The following ATP8A2 variants were observed in gnomAD, a reference collection of about 807,000 sequenced individuals.
The protein encoded by ATP8A2 is phospholipid-transporting ATPase IB.
Under a neutral mutation model 165.6 loss-of-function variants are expected in ATP8A2, and 100 were observed. The observed-to-expected ratio is 0.60, with a 90% CI of 0.51 to 0.71. The LOEUF (loss-of-function observed/expected upper bound fraction) is 0.71, where lower values mean the gene tolerates loss of function less well. Among genes scored for constraint, ATP8A2 ranks in the 30% least tolerant of loss-of-function variants. The probability of loss-of-function intolerance (pLI) is 0.00; values close to 1 mark genes in which losing one functional copy is unlikely to be tolerated. For missense variants in ATP8A2, 1,227 were observed against 1,479.5 expected (o/e 0.83, Z 2.80); for synonymous variants, 543 against 548.8 (o/e 0.99, Z 0.15).
intron 25 of ATP8A2, among the ~76,000 whole-genome samples, chr13:25,754,460 C>T (rs1429814206): frequency 1.3e-5 from 2 of 151,788 alleles, no homozygotes; most frequent in African/African-American, 4.8e-5. Flanking sequence ...CTACAAATAG[C>T]TTCTTGGAAG....
intron 33 of ATP8A2, among the ~76,000 whole-genome samples, chr13:25,910,426 T>C (rs1193497771): frequency 1.3e-5 from 2 of 152,198 alleles, no homozygotes; most frequent in Non-Finnish European, 2.9e-5. Context: ...TATCCCTCTT[T>C]AGATAAGGCC....
At chr13:25,597,199 T>C (rs76377183) in intron 24 of ATP8A2, among the ~76,000 whole-genome samples, 1 of 152,324 alleles carries the variant, frequency 6.6e-6, no homozygotes, top group Admixed American at 6.5e-5. Flanking sequence ...ATTTTTTTTT[T>C]ACCAATCTTT....
chr13:25,525,194 T>C (rs562224432), intron 2 of ATP8A2, among the ~76,000 whole-genome samples: 2 of 152,234 alleles, frequency 1.3e-5, no homozygotes, highest in East Asian at 3.9e-4. Context: ...GTGTTTTAAC[T>C]CTATCTCCCC....
intron 33 of ATP8A2, among the ~76,000 whole-genome samples, chr13:25,866,846 A>G (rs150726403): frequency 1.6e-3 from 239 of 152,346 alleles, no homozygotes; most frequent in African/African-American, 5.6e-3. Flanking sequence ...AAGATGGTAC[A>G]CTGAAGATAC....
chr13:26,003,790 G>C (rs1289074406), intron 35 of ATP8A2, among the ~76,000 whole-genome samples: 3 of 152,050 alleles, frequency 2.0e-5, no homozygotes, highest in African/African-American at 7.2e-5. Flanking sequence ...TTTCTTCATT[G>C]TGTGTTATTA....
At chr13:25,884,825 C>T (rs920487009) in intron 33 of ATP8A2, among the ~76,000 whole-genome samples, 1 of 152,188 alleles carries the variant, frequency 6.6e-6, no homozygotes, top group Non-Finnish European at 1.5e-5. Flanking sequence ...AGGCACTTGC[C>T]CTCCTCCCAC....
intron 23 of ATP8A2, among the ~76,000 whole-genome samples, chr13:25,582,849 C>A (rs1305896598): frequency 2.0e-5 from 3 of 152,126 alleles, no homozygotes; most frequent in Non-Finnish European, 1.5e-5. Context: ...GTAAATAATA[C>A]CTGCCTTCTT....
At chr13:25,937,344 T>C (rs306405) in intron 33 of ATP8A2, among the ~76,000 whole-genome samples, 4 of 137,976 alleles carry the variant, frequency 2.9e-5, no homozygotes, top group Admixed American at 2.2e-4. Flanking sequence ...TTTTGCTTTG[T>C]CTTTCTATTC....
intron 30 of ATP8A2, among the ~76,000 whole-genome samples, chr13:25,859,498 A>T (rs1952278592): frequency 6.6e-6 from 1 of 152,126 alleles, no homozygotes; most frequent in Non-Finnish European, 1.5e-5. Flanking sequence ...TGTAGCGGAG[A>T]TGATGAAACA....
In ATP8A2 at chr13:25,578,850, A is replaced by C; in HGVS notation, c.1818A>C (p.Ser606=). The C allele has an allele frequency of 6.2e-7, 1 of 1,610,584 alleles. No homozygotes were observed. Among genetic ancestry groups the C allele is most frequent in the South Asian group, 1.1e-5 (1 of 91,014 alleles). Residue 606 remains serine, a synonymous_variant, in exon 21 of 37, where the codon TCA becomes TCC. Coordinates refer to ENST00000381655, the MANE Select transcript of ATP8A2 (RefSeq NM_016529.6). The stretch of plus-strand genomic sequence containing the variant: ...TTTTTGAGAGACTTTCAAAAGACTC[A>C]AAATATATGGAGGAAACATTATGCC... ...NVIFERLSKD[S]KYMEETLCHL...
chr13:25,834,021 A>G (rs914621970), intron 28 of ATP8A2, among the ~76,000 whole-genome samples: 6 of 152,262 alleles, frequency 3.9e-5, no homozygotes, highest in African/African-American at 1.4e-4. Flanking sequence ...AAATGCAGAT[A>G]GCCAGCAAAT....
intron 25 of ATP8A2, among the ~76,000 whole-genome samples, chr13:25,719,300 T>C (rs1354806514): frequency 7.0e-6 from 1 of 143,442 alleles, no homozygotes; most frequent in African/African-American, 2.8e-5. Context: ...AAAAACAATT[T>C]GTTGCTTTGG....
chr13:25,696,518 G>A (rs1360401785), intron 24 of ATP8A2, among the ~76,000 whole-genome samples: 1 of 152,172 alleles, frequency 6.6e-6, no homozygotes, highest in East Asian at 1.9e-4. Context: ...ACCTTCTGGC[G>A]AACTTGCTGC....
chr13:26,002,848 CTGTGTGTGTGTGTGTGTGTG>C (rs199795279), intron 35 of ATP8A2, among the ~76,000 whole-genome samples: 6 of 134,720 alleles, frequency 4.5e-5, no homozygotes, highest in Admixed American at 1.5e-4. Context: ...TAGTATTCCA[CTGTGTGTGTGTGTGTGTGTG>C]TGTGTGTGTG....
intron 1 of ATP8A2, among the ~76,000 whole-genome samples, chr13:25,390,025 T>C (rs1420078673): frequency 7.1e-6 from 1 of 139,916 alleles, no homozygotes; most frequent in African/African-American, 2.6e-5. Flanking sequence ...AACGGAGTCT[T>C]GCTCTGTCAC....
intron 4 of ATP8A2, among the ~76,000 whole-genome samples, chr13:25,531,457 T>TTA (rs371799197): frequency 0.026 from 819 of 31,394 alleles, 56 homozygotes; most frequent in African/African-American, 0.089. Context: ...ATATATATGA[T>TTA]TATATATATG....
intron 36 of ATP8A2, among the ~76,000 whole-genome samples, chr13:26,014,223 A>G (rs955991897): frequency 6.6e-6 from 1 of 152,190 alleles, no homozygotes; most frequent in Admixed American, 6.5e-5. Context: ...GTTGGGTAAT[A>G]TGAGAACTTA....
chr13:25,564,573 T>C (rs1437646954), intron 16 of ATP8A2, among the ~76,000 whole-genome samples: 1 of 152,200 alleles, frequency 6.6e-6, no homozygotes, highest in African/African-American at 2.4e-5. Flanking sequence ...AGCGCATAAA[T>C]GTAGAAATGA....
At chr13:25,997,526 G>A (rs933554340) in intron 35 of ATP8A2, among the ~76,000 whole-genome samples, 2 of 152,110 alleles carry the variant, frequency 1.3e-5, no homozygotes, top group Non-Finnish European at 2.9e-5. Flanking sequence ...TAGCCCTGCC[G>A]TATTTCTCCT....
Sources: allele counts gnomAD v4.1 joint callset (sites outside exome capture counted in the v4.1 genomes callset), GRCh38; gene constraint gnomAD v4.1.1; transcripts MANE v1.5; gene names NCBI Gene and HGNC (gene_info 2026-07-23, HGNC 2026-07-21).